Variants in SLC25A38 observed in about 807,000 individuals in gnomAD.
SLC25A38 encodes the protein mitochondrial glycine transporter.
In SLC25A38, 27 loss-of-function variants were observed where a neutral mutation model predicts 33.4. The ratio of observed to expected loss-of-function variants is 0.81; its 90% CI spans 0.60 to 1.11. The LOEUF is 1.11. Among genes scored for constraint, SLC25A38 ranks in the 50% most tolerant of loss-of-function variants. The pLI, the probability that SLC25A38 is intolerant of heterozygous loss-of-function variation, is 0.00. For synonymous variants in SLC25A38, 123 were observed against 145.9 expected (o/e 0.84, Z 1.13); for missense variants, 344 against 388.8 (o/e 0.88, Z 0.97).
chr3:39,384,840 G>C (rs1294422224), intron 1 of SLC25A38: 1 of 381,378 alleles, frequency 2.6e-6, no homozygotes, highest in East Asian at 3.7e-5. Context: ...TCGCCCTGTC[G>C]CCCGCGCTGG....
At chr3:39,383,845 C>A (rs1228487782) in intron 1 of SLC25A38, 52 bp downstream of exon 1, 7 of 1,600,800 alleles carry the variant, frequency 4.4e-6, no homozygotes, top group Non-Finnish European at 6.0e-6. Flanking sequence ...CGGGCTCGGG[C>A]CGGAGAATTC....
chr3:39,384,662 T>C (rs914241062), intron 1 of SLC25A38: 2 of 398,582 alleles, frequency 5.0e-6, no homozygotes, highest in Non-Finnish European at 8.8e-6. Context: ...CAGTAGGAAT[T>C]GCTTGTGGAT....
rs2041669546 is a variant in SLC25A38 at position 39,383,453 on chromosome 3, G to C, written c.-272G>C. ...CTGAAGCCTGCAGCAGGGCAGGATG[G>C]GCAGGAGAGCAGAGCCGCGGAGTCT... is the stretch of plus-strand genomic sequence containing the variant. On this transcript the variant is annotated 5_prime_UTR_variant, in exon 1 of 7. Transcript: ENST00000650617. The C allele has an allele frequency of 1.9e-6, 1 of 515,752 alleles. No homozygotes were observed. The highest frequency in any genetic ancestry group is 3.5e-6 in the Non-Finnish European group (1 of 284,126). The allele number at this position is 515,752 out of a possible 1,614,324, so 31.9% of individuals were successfully genotyped here. A position where few individuals can be genotyped will look rare whatever the true frequency, so the allele number is the denominator to read the frequency against.
At chr3:39,384,145 G>A (rs2041680373) in intron 1 of SLC25A38, among the ~76,000 whole-genome samples, 1 of 152,216 alleles carries the variant, frequency 6.6e-6, no homozygotes, top group Non-Finnish European at 1.5e-5. Context: ...GATTTGGGAC[G>A]GTCACAAGGC....
intron 5 of SLC25A38, among the ~76,000 whole-genome samples, chr3:39,393,162 T>C (rs1344986070): frequency 1.3e-5 from 2 of 152,136 alleles, no homozygotes; most frequent in Non-Finnish European, 2.9e-5. Flanking sequence ...GGCACATGCC[T>C]GTAATCCCAG....
intron 6 of SLC25A38, 32 bp downstream of exon 6, chr3:39,394,608 G>A (rs1454038973): frequency 6.2e-7 from 1 of 1,612,980 alleles, no homozygotes; most frequent in Non-Finnish European, 8.5e-7. Flanking sequence ...TGGTTCTTGT[G>A]GTGTTTAAGG....
At position 39,389,375 on chromosome 3, in the gene SLC25A38, A is replaced by G. The variant is rs915368997; in HGVS notation, c.70-120A>G. The G allele has an allele frequency of 4.6e-6, 7 of 1,511,710 alleles. No homozygotes were observed. The African/African-American group carries it at 9.6e-5, about 21-fold the overall frequency. 93.6% of individuals were successfully genotyped at this position (1,511,710 alleles called of 1,614,324 possible). A position where few individuals can be genotyped will look rare whatever the true frequency, so the allele number is the denominator to read the frequency against. On this transcript the variant is annotated intron_variant, in intron 1 of 6. Coordinates refer to ENST00000650617, the MANE Select transcript of SLC25A38 (RefSeq NM_017875.4). The surrounding 1 kb of genome is among the most constrained non-coding windows in gnomAD (Gnocchi z 4.5). ...TCCTTCTCCGAGGTATGAAGAAAAC[A>G]TGAGGCACCACCAGGTAAGTGTCTA...
Position 39,394,413 on chromosome 3 carries a change from A to G in SLC25A38, c.629A>G (p.Gln210Arg), listed in dbSNP as rs1301072622. 1.9e-6 allele frequency: 3 copies of G among 1,612,544 alleles called. No individual in the cohort carries two copies. The highest frequency in any genetic ancestry group is 1.7e-5 in the Admixed American group (1 of 60,004). The change falls in exon 6 of 7, where the codon CAG (glutamine) becomes CGG (arginine). Residue 210 changes from glutamine to arginine, a missense_variant. By Grantham distance (43) the Gln-to-Arg change is conservative. Around this residue, in one of 2 missense-constraint regions of SLC25A38, gnomAD observed 269 missense variants for 271.8 expected, o/e 0.99. Coordinates refer to ENST00000650617, the MANE Select transcript of SLC25A38 (RefSeq NM_017875.4). ...TGTTACCTTTGTTCTATTTCAGACC[A>G]GGTGGATGCAACCCTTATTCCTATT... Reference protein sequence around the residue: ...NQTKNIVPHDQVDATLIPITN... With the variant: ...NQTKNIVPHDRVDATLIPITN...
At chr3:39,386,144 AATAC>A (rs2125574831) in intron 1 of SLC25A38, among the ~76,000 whole-genome samples, 1 of 152,310 alleles carries the variant, frequency 6.6e-6, no homozygotes, top group Non-Finnish European at 1.5e-5. Context: ...TGTAGCTCCT[AATAC>A]ATTTGTCATT....
Position 39,383,681 on chromosome 3 carries a change from TCGACGG to T in SLC25A38, c.-42_-37del. 6.2e-7 allele frequency: 1 copy of T among 1,612,634 alleles called. No homozygotes were observed. Among genetic ancestry groups the T allele is most frequent in the Non-Finnish European group, 8.5e-7 (1 of 1,178,858 alleles). ...CTCCAGGGCTGGGCCCAAGCGCCCG[TCGACGG>T]CACCCTGGGCCCAGAGGACTCGCGG... On this transcript the variant is annotated 5_prime_UTR_variant, in exon 1 of 7. Transcript: ENST00000650617.
chr3:39,396,739 C>T lies in SLC25A38; in HGVS notation c.*219C>T. Reference sequence around the variant, plus strand: ...AGAGGAGTCATCAATTCATAGAGCACACTAGGGTGTTAGGAGAGAGCTTTG... The same window carrying T: ...AGAGGAGTCATCAATTCATAGAGCATACTAGGGTGTTAGGAGAGAGCTTTG... On this transcript the variant is annotated 3_prime_UTR_variant, in exon 7 of 7. Transcript: ENST00000650617. 1.5e-6 allele frequency: 1 copy of T among 677,944 alleles called. No individual in the cohort carries two copies. The highest frequency in any genetic ancestry group is 2.5e-6 in the Non-Finnish European group (1 of 397,780). The allele number at this position is 677,944 out of a possible 1,614,324, so 42.0% of individuals were successfully genotyped here. A position where few individuals can be genotyped will look rare whatever the true frequency, so the allele number is the denominator to read the frequency against.
intron 3 of SLC25A38, 152 bp from the exon 4 acceptor site, chr3:39,391,289 C>T (rs1289036636): frequency 1.0e-5 from 11 of 1,062,350 alleles, no homozygotes; most frequent in Admixed American, 1.7e-5. Flanking sequence ...TCTCCTATCT[C>T]ATGTCCCCCA....
intron 6 of SLC25A38, among the ~76,000 whole-genome samples, chr3:39,395,989 T>A (rs1255955537): frequency 6.6e-6 from 1 of 151,638 alleles, no homozygotes; most frequent in African/African-American, 2.4e-5. Flanking sequence ...GGTGGGCAGA[T>A]CACAAGGTCA....
chr3:39,391,724 T>A, intron 4 of SLC25A38, 104 bp downstream of exon 4: 1 of 1,600,442 alleles, frequency 6.2e-7, no homozygotes, highest in Non-Finnish European at 8.6e-7. Flanking sequence ...TAACATAGAG[T>A]CTGATGTGGT....
intron 1 of SLC25A38, among the ~76,000 whole-genome samples, chr3:39,385,545 C>A (rs931200520): frequency 6.6e-6 from 1 of 152,046 alleles, no homozygotes; most frequent in Admixed American, 6.6e-5. Context: ...GAGCAAGGGG[C>A]CTGGAGAGAG....
At chr3:39,395,052 T>C (rs979311789) in intron 6 of SLC25A38, among the ~76,000 whole-genome samples, 28 of 152,138 alleles carry the variant, frequency 1.8e-4, no homozygotes, top group African/African-American at 6.0e-4. Context: ...CTGGGCCACA[T>C]TGGAAGAAGA....
At position 39,390,427 on chromosome 3, in the gene SLC25A38, A is replaced by T; in HGVS notation, c.196A>T (p.Arg66Ter). Residue 66 changes from arginine (R) to a stop codon, truncating the protein, a stop_gained, in exon 3 of 7, where the codon AGA becomes TGA. Coordinates refer to ENST00000650617, the MANE Select transcript of SLC25A38 (RefSeq NM_017875.4). LOFTEE classifies it high-confidence loss of function. ...CTCCATTTTGTCTGCTTTCAGGTCT[A>T]GACGTGTTGGGATGTTGGCTGTACT... ...QTLQPSDHGSRRVGMLAVLLK... is the reference protein window; with the variant it reads ...QTLQPSDHGS The T allele has an allele frequency of 6.2e-7, 1 of 1,614,178 alleles. No individual in the cohort carries two copies. The highest frequency in any genetic ancestry group is 8.5e-7 in the Non-Finnish European group (1 of 1,180,016).
intron 1 of SLC25A38, among the ~76,000 whole-genome samples, chr3:39,388,187 AGGACACCTCTTGG>A (rs1426721441): frequency 3.9e-5 from 6 of 152,210 alleles, no homozygotes; most frequent in African/African-American, 7.2e-5. Context: ...GCAGAAGAGC[AGGACACCTCTTGG>A]GGAGAGGGAG....
rs970001597 is a variant in SLC25A38 at position 39,392,145 on chromosome 3, T to C, written c.625+124T>C. On this transcript the variant is annotated intron_variant, in intron 5 of 6. Transcript: ENST00000650617. Reference sequence around the variant, plus strand: ...TGTTAGGAACTGAGCCATATCATGATTGTGTCAGGAACTGGGATGCAAAGG... The same window carrying C: ...TGTTAGGAACTGAGCCATATCATGACTGTGTCAGGAACTGGGATGCAAAGG... 2.1e-5 allele frequency: 27 copies of C among 1,305,616 alleles called. No homozygotes were observed. In the African/African-American group the frequency reaches 2.8e-4, roughly 13 times the overall value. 80.9% of individuals were successfully genotyped at this position (1,305,616 alleles called of 1,614,324 possible). A position where few individuals can be genotyped will look rare whatever the true frequency, so the allele number is the denominator to read the frequency against.
Sources: gnomAD v4.1 joint callset for allele counts (sites outside exome capture counted in the v4.1 genomes callset) on GRCh38, gnomAD v4.1.1 for gene constraint, gnomAD v4.1.1 regional missense constraint, Gnocchi (gnomAD v3.1) non-coding constraint, MANE v1.5 for transcripts, NCBI Gene and HGNC (gene_info 2026-07-23, HGNC 2026-07-21) for gene names.